Variants in FAM136A observed in about 807,000 individuals in gnomAD.
The protein encoded by FAM136A is TIM double twin CX3C motif protein.
A neutral mutation model predicts 21.6 loss-of-function variants in FAM136A; 25 were observed. The ratio of observed to expected loss-of-function variants is 1.16; its 90% confidence interval spans 0.84 to 1.62. The LOEUF (loss-of-function observed/expected upper bound fraction) is 1.62. Ranked by LOEUF, FAM136A falls within the 40% of genes most tolerant of loss-of-function variation. FAM136A has a pLI of 0.00. For missense variants in FAM136A, 338 were observed against 332.0 expected, an observed-to-expected ratio of 1.02 and a Z score of -0.14; for synonymous variants, 119 against 129.4, an observed-to-expected ratio of 0.92 and a Z score of 0.55.
At chr2:70,301,411 G>T (rs1196522682) in intron 1 of FAM136A, 193 bp downstream of exon 1, 1 of 1,532,590 alleles carries the variant, frequency 6.5e-7, no homozygotes, top group African/African-American at 1.4e-5. Flanking sequence ...CGCATACTCC[G>T]TGAGAGAAGC....
intron 1 of FAM136A, 128 bp from the exon 2 acceptor site, chr2:70,301,108 C>G: frequency 8.7e-7 from 1 of 1,144,418 alleles, no homozygotes; most frequent in Non-Finnish European, 1.2e-6. Context: ...CTTTCACCTT[C>G]CCTGAGAATA....
rs944994940 is a variant in FAM136A at position 70,301,808 on chromosome 2, C to T, written c.204G>A (p.Gly68=). 5.4e-5 allele frequency: 84 copies of T among 1,548,288 alleles called. No individual in the cohort carries two copies. The highest frequency in any genetic ancestry group is 6.6e-5 in the Non-Finnish European group (76 of 1,145,774). ...TAAASPQTGC[G]RPWGRRGGLG... ...GGCCGCCCCGGCGACCCCAGGGCCG[C>T]CCACACCCGGTCTGCGGGGACGCGG... is the stretch of plus-strand genomic sequence containing the variant. The change falls in exon 1 of 3, where the codon GGG becomes GGA. Residue 68 remains glycine, a synonymous_variant. Coordinates refer to ENST00000430566, the MANE Select transcript of FAM136A (RefSeq NM_001329752.2).
Position 70,302,044 on chromosome 2 carries a change from C to T in FAM136A, c.-33G>A, listed in dbSNP as rs1043778338. The T allele has an allele frequency of 3.2e-6, 5 of 1,545,442 alleles. No homozygotes were observed. The highest frequency in any genetic ancestry group is 4.3e-6 in the Non-Finnish European group (5 of 1,152,356). ...CCGCGCTGCCCCGCGGCGCTCCGCG[C>T]CGGCGCCCATATGGAATCGGCGTAC... On this transcript the variant is annotated 5_prime_UTR_variant, in exon 1 of 3. Coordinates refer to ENST00000430566, the MANE Select transcript of FAM136A (RefSeq NM_001329752.2).
intron 2 of FAM136A, among the ~76,000 whole-genome samples, chr2:70,300,349 G>A (rs980318166): frequency 6.6e-6 from 1 of 151,636 alleles, no homozygotes; most frequent in African/African-American, 2.4e-5. Context: ...TTTTTTTTGA[G>A]ACAGAGTCTC....
chr2:70,297,064 C>T lies in FAM136A; in HGVS notation c.*225G>A, dbSNP rs1697268203. 5.0e-5 allele frequency: 25 copies of T among 503,626 alleles called. No individual in the cohort carries two copies. The South Asian group carries it at 6.2e-4, about 12-fold the overall frequency. The allele number at this position is 503,626 out of a possible 1,614,324, so 31.2% of individuals were successfully genotyped here. On this transcript the variant is annotated 3_prime_UTR_variant, in exon 3 of 3. Coordinates refer to ENST00000430566, the MANE Select transcript of FAM136A (RefSeq NM_001329752.2). Reference sequence around the variant, plus strand: ...ACAGGAAATAATAAGCTCTAAAACTCTCCTGTAATATCTCTGACTCGATTT... The same window carrying T: ...ACAGGAAATAATAAGCTCTAAAACTTTCCTGTAATATCTCTGACTCGATTT...
Position 70,301,631 on chromosome 2 carries a change from AGGT to A in FAM136A, c.378_380del (p.Pro127del). The A allele has an allele frequency of 6.5e-7, 1 of 1,535,860 alleles. No homozygotes were observed. Among genetic ancestry groups the A allele is most frequent in the East Asian group, 2.4e-5 (1 of 40,904 alleles). On this transcript the variant is annotated inframe_deletion, in exon 1 of 3. Transcript: ENST00000430566. ...GCGGAAGGGGCCGCGTAAGAGGGGA[AGGT>A]GGTGGGGCGAGCGCCTGCCACCAGG...
rs1205513756 is a variant in FAM136A at position 70,301,710 on chromosome 2, G to A, written c.302C>T (p.Ser101Phe). ...RVPLPCARLFSAPSSPGQERP... is the reference protein window; with the variant it reads ...RVPLPCARLFFAPSSPGQERP... ...CTCCTGCCCCGGGCTGGAAGGGGCG[G>A]AAAACAGCCTCGCGCACGGCAAGGG... The change falls in exon 1 of 3, where the codon TCC becomes TTC. Residue 101 changes from serine to phenylalanine, a missense_variant. Transcript: ENST00000430566. 2 of 1,536,048 alleles carry A rather than the reference G, an allele frequency of 1.3e-6. No individual in the cohort carries two copies. Among genetic ancestry groups the A allele is most frequent in the Non-Finnish European group, 1.7e-6 (2 of 1,146,426 alleles).
At position 70,300,801 on chromosome 2, in the gene FAM136A, T is replaced by C; in HGVS notation, c.549+39A>G. ...GCTTGTCATCTCCTGCAAAAGTCTG[T>C]ATCAAGGACTACAGTGCTCTGTCTA... On this transcript the variant is annotated intron_variant, in intron 2 of 2. Coordinates refer to ENST00000430566, the MANE Select transcript of FAM136A (RefSeq NM_001329752.2). 3 of 1,546,984 alleles carry C rather than the reference T, an allele frequency of 1.9e-6. 1 individual carries two copies. In the South Asian group the frequency reaches 3.5e-5, roughly 18 times the overall value.
chr2:70,300,733 G>A, intron 2 of FAM136A, 107 bp downstream of exon 2: 2 of 1,359,212 alleles, frequency 1.5e-6, no homozygotes, highest in Non-Finnish European at 2.0e-6. Flanking sequence ...TATCACAACT[G>A]TTAACAGAAC....
intron 2 of FAM136A, among the ~76,000 whole-genome samples, chr2:70,297,761 T>C (rs1000241990): frequency 1.3e-5 from 2 of 151,332 alleles, no homozygotes; most frequent in Non-Finnish European, 2.9e-5. Context: ...TGCTCTCAAG[T>C]AGCTAGGACC....
Position 70,301,805 on chromosome 2 carries a change from C to T in FAM136A, c.207G>A (p.Arg69=). ...AAASPQTGCG[R]PWGRRGGLGQ... Reference sequence around the variant, plus strand: ...CGAGGCCGCCCCGGCGACCCCAGGGCCGCCCACACCCGGTCTGCGGGGACG... The same window carrying T: ...CGAGGCCGCCCCGGCGACCCCAGGGTCGCCCACACCCGGTCTGCGGGGACG... The change falls in exon 1 of 3, where the codon CGG becomes CGA. Residue 69 remains arginine (R), a synonymous_variant. Coordinates refer to ENST00000430566, the MANE Select transcript of FAM136A (RefSeq NM_001329752.2). 2 of 1,547,664 alleles carry T rather than the reference C, an allele frequency of 1.3e-6. No homozygotes were observed. The highest frequency in any genetic ancestry group is 1.4e-5 in the African/African-American group (1 of 73,128).
chr2:70,302,063 G>T lies in FAM136A; in HGVS notation c.-52C>A. The T allele has an allele frequency of 6.6e-7, 1 of 1,513,634 alleles. No individual in the cohort carries two copies. Among genetic ancestry groups the T allele is most frequent in the Non-Finnish European group, 8.8e-7 (1 of 1,135,178 alleles). The allele number at this position is 1,513,634 out of a possible 1,614,324, so 93.8% of individuals were successfully genotyped here. A position where few individuals can be genotyped will look rare whatever the true frequency, so the allele number is the denominator to read the frequency against. On this transcript the variant is annotated 5_prime_UTR_variant, in exon 1 of 3. Transcript: ENST00000430566. ...TCCGCGCCGGCGCCCATATGGAATC[G>T]GCGTACGGGCCCGCCCCCTCACCGC...
chr2:70,299,347 C>T (rs1363633699), intron 2 of FAM136A, among the ~76,000 whole-genome samples: 1 of 152,096 alleles, frequency 6.6e-6, no homozygotes, highest in Non-Finnish European at 1.5e-5. Context: ...CTTTTGGTAA[C>T]CTCAGAGGGG....
In FAM136A at chr2:70,300,906, G is replaced by C. The variant is rs762150742; in HGVS notation, c.483C>G (p.Ile161Met). Residue 161 changes from isoleucine (I) to methionine (M), a missense_variant, in exon 2 of 3, where the codon ATC (isoleucine) becomes ATG (methionine). Coordinates refer to ENST00000430566, the MANE Select transcript of FAM136A (RefSeq NM_001329752.2). ...GAGCCAGAGGCACATGGCAGCGCTCGATGCACTGGTGCACCTGCTTCATGG... is the reference window on the plus strand; with the variant it reads ...GAGCCAGAGGCACATGGCAGCGCTCCATGCACTGGTGCACCTGCTTCATGG... ...QASMKQVHQC[I>M]ERCHVPLAQA... 19 of 1,613,842 alleles carry C rather than the reference G, an allele frequency of 1.2e-5. No individual in the cohort carries two copies. Among genetic ancestry groups the C allele is most frequent in the Non-Finnish European group, 1.4e-5 (17 of 1,179,710 alleles).
chr2:70,301,448 G>A (rs1697395753), intron 1 of FAM136A, 156 bp downstream of exon 1: 1 of 1,535,518 alleles, frequency 6.5e-7, no homozygotes, highest in Admixed American at 2.0e-5. Context: ...GAGGCATTGC[G>A]GGGCTCAGAG....
At position 70,297,468 on chromosome 2, in the gene FAM136A, C is replaced by T. The variant is rs199565792; in HGVS notation, c.559G>A (p.Ala187Thr). Reference protein sequence around the residue: ...SELEKFQDRLARCTMHCNDKA... With the variant: ...SELEKFQDRLTRCTMHCNDKA... ...TCGTTGCAATGCATGGTGCACCGGG[C>T]CAGGCGGTCCTGTGGCAAGAAGGAA... The change falls in exon 3 of 3, where the codon GCC becomes ACC. Residue 187 changes from alanine to threonine, a missense_variant. Physicochemically the swap from Ala to Thr is moderately conservative, Grantham distance 58. Coordinates refer to ENST00000430566, the MANE Select transcript of FAM136A (RefSeq NM_001329752.2). 3 of 1,613,616 alleles carry T rather than the reference C, an allele frequency of 1.9e-6. No homozygotes were observed. In the African/African-American group the frequency reaches 4.0e-5, roughly 22 times the overall value.
chr2:70,297,325 CT>C lies in FAM136A; in HGVS notation c.701del (p.Lys234ArgfsTer3), dbSNP rs1163631023. ...DHMHLIPTMT[K>X]KMKEALLSIG... ...TTGATAAGAGAGCCTCCTTCATCTT[CT>C]TGGTCATAGTTGGGATGAGGTGCAT... On this transcript the variant is annotated frameshift_variant, in exon 3 of 3. Coordinates refer to ENST00000430566, the MANE Select transcript of FAM136A (RefSeq NM_001329752.2). LOFTEE classifies it high-confidence loss of function. The C allele has an allele frequency of 5.6e-6, 9 of 1,613,886 alleles. No individual in the cohort carries two copies. The highest frequency in any genetic ancestry group is 8.5e-7 in the Non-Finnish European group (1 of 1,179,868).
intron 2 of FAM136A, among the ~76,000 whole-genome samples, chr2:70,299,745 C>T (rs1333450349): frequency 2.0e-5 from 3 of 151,908 alleles, no homozygotes; most frequent in African/African-American, 4.8e-5. Flanking sequence ...GGACTACAGG[C>T]GCCCACCACC....
At position 70,300,980 on chromosome 2, in the gene FAM136A, C is replaced by T; in HGVS notation, c.409G>A (p.Gly137Ser). Residue 137 changes from glycine to serine, a missense_variant and splice_region_variant, in exon 2 of 3, where the codon GGT becomes AGT. Physicochemically the swap from Gly to Ser is moderately conservative, Grantham distance 56. Coordinates refer to ENST00000430566, the MANE Select transcript of FAM136A (RefSeq NM_001329752.2). ...CTGGCGCTGCACCGGAACATGAGAC[C>T]CTGGGGAGAAAGGGCAGAGAGGTTA... Reference protein sequence around the residue: ...PSPLTRPLPQGLMFRCSASCC... With the variant: ...PSPLTRPLPQSLMFRCSASCC... 1 of 1,609,138 alleles carries T rather than the reference C, an allele frequency of 6.2e-7. No individual in the cohort carries two copies. The highest frequency in any genetic ancestry group is 1.1e-5 in the South Asian group (1 of 90,916).
Sources: gnomAD v4.1 joint callset for allele counts (sites outside exome capture counted in the v4.1 genomes callset) on GRCh38, gnomAD v4.1.1 for gene constraint, MANE v1.5 for transcripts, NCBI Gene and HGNC (gene_info 2026-07-23, HGNC 2026-07-21) for gene names.